METTL15: variants seen among roughly 807,000 people sequenced by gnomAD.
METTL15 encodes the protein 12S rRNA N(4)-cytidine methyltransferase METTL15.
METTL15 carries 34 observed loss-of-function variants against 38.3 expected under a neutral mutation model. The ratio of observed to expected loss-of-function variants is 0.89; its 90% confidence interval spans 0.68 to 1.18. The LOEUF is 1.18. Ranked by LOEUF, METTL15 falls within the 50% of genes most tolerant of loss-of-function variation. The pLI, the probability that METTL15 is intolerant of heterozygous loss-of-function variation, is 0.00. For synonymous variants in METTL15, 162 were observed against 170.9 expected, an observed-to-expected ratio of 0.95 and a Z score of 0.41; for missense variants, 438 against 498.4, an observed-to-expected ratio of 0.88 and a Z score of 1.15.
intron 3 of METTL15, among the ~76,000 whole-genome samples, chr11:28,133,426 C>T (rs895959809): frequency 2.6e-5 from 4 of 152,164 alleles, no homozygotes; most frequent in Admixed American, 6.5e-5. Context: ...ATATATTTCT[C>T]TTAACACACT....
At chr11:28,238,277 C>A (rs962390346) in intron 4 of METTL15, among the ~76,000 whole-genome samples, 1 of 152,218 alleles carries the variant, frequency 6.6e-6, no homozygotes, top group East Asian at 1.9e-4. Context: ...AGCTTCCCGG[C>A]TGCTTTGTTT....
intron 3 of METTL15, among the ~76,000 whole-genome samples, chr11:28,133,663 A>T (rs1849414090): frequency 6.6e-6 from 1 of 152,148 alleles, no homozygotes; most frequent in Non-Finnish European, 1.5e-5. Flanking sequence ...ATATCATTGT[A>T]TGCTTAAGCA....
intron 3 of METTL15, among the ~76,000 whole-genome samples, chr11:28,162,399 T>G (rs555428735): frequency 6.6e-6 from 1 of 152,280 alleles, no homozygotes; most frequent in South Asian, 2.1e-4. Flanking sequence ...ATTTGATGAT[T>G]AGTAACTTTT....
intron 6 of METTL15, among the ~76,000 whole-genome samples, chr11:28,308,939 G>A (rs549512089): frequency 6.6e-6 from 1 of 152,188 alleles, no homozygotes; most frequent in Non-Finnish European, 1.5e-5. Context: ...TAGATAGGCA[G>A]GCAGGCATGG....
At chr11:28,238,315 C>T (rs932829909) in intron 4 of METTL15, among the ~76,000 whole-genome samples, 3 of 152,148 alleles carry the variant, frequency 2.0e-5, no homozygotes, top group African/African-American at 2.4e-5. Context: ...CAATGGTGGG[C>T]GCCCCTCCCC....
chr11:28,490,273 A>G (rs914059610), intron 6 of METTL15, among the ~76,000 whole-genome samples: 1 of 152,172 alleles, frequency 6.6e-6, no homozygotes, highest in Non-Finnish European at 1.5e-5. Context: ...CTAAACCCCA[A>G]GAAGCCTCTC....
rs766399314 is a variant in METTL15, at chr11:28,113,524, G to T, written c.190G>T (p.Asp64Tyr). The change falls in exon 3 of 7, where the codon GAT becomes TAT. Residue 64 changes from aspartate (D) to tyrosine (Y), a missense_variant. Asp to Tyr is a radical substitution (Grantham distance 160). Transcript: ENST00000407364. ...GGAGTTACACAGATCTCAAGATAGA[G>T]ATTTTGAAACTATGGCTAAATTACA... Reference protein sequence around the residue: ...AQELHRSQDRDFETMAKLHIP... With the variant: ...AQELHRSQDRYFETMAKLHIP... 3.1e-6 allele frequency: 5 copies of T among 1,613,652 alleles called. No individual in the cohort carries two copies. Among genetic ancestry groups the T allele is most frequent in the Middle Eastern group, 1.7e-4 (1 of 5,954 alleles).
At chr11:28,385,534 G>T (rs1850430758) in intron 5 of METTL15, among the ~76,000 whole-genome samples, 1 of 152,078 alleles carries the variant, frequency 6.6e-6, no homozygotes, top group African/African-American at 2.4e-5. Context: ...ATGCTGTTTT[G>T]GTTACTATAG....
At chr11:28,147,598 T>C (rs1849931550) in intron 3 of METTL15, among the ~76,000 whole-genome samples, 1 of 151,868 alleles carries the variant, frequency 6.6e-6, no homozygotes, top group Non-Finnish European at 1.5e-5. Flanking sequence ...TATATGATCT[T>C]AATCATTCCT....
chr11:28,494,832 C>T (rs914330803), intron 6 of METTL15, among the ~76,000 whole-genome samples: 1 of 152,184 alleles, frequency 6.6e-6, no homozygotes, highest in Admixed American at 6.5e-5. Flanking sequence ...GTGAGGCCTC[C>T]CCAGCCATGT....
chr11:28,275,736 A>G (rs985640404), intron 4 of METTL15, among the ~76,000 whole-genome samples: 1 of 152,040 alleles, frequency 6.6e-6, no homozygotes, highest in South Asian at 2.1e-4. Flanking sequence ...AAACACATCA[A>G]AAAGATTCAC....
intron 4 of METTL15, among the ~76,000 whole-genome samples, chr11:28,257,234 G>C (rs1855008783): frequency 6.6e-6 from 1 of 152,060 alleles, no homozygotes; most frequent in South Asian, 2.1e-4. Flanking sequence ...GTAAGATTTT[G>C]ACTGAAAAGT....
chr11:28,336,599 A>G (rs567922677), downstream of METTL15, among the ~76,000 whole-genome samples: 1 of 152,314 alleles, frequency 6.6e-6, no homozygotes, highest in East Asian at 1.9e-4. Context: ...ATTTTAGTCA[A>G]CAATGGACTA....
chr11:28,528,620 C>G (rs1045894870), downstream of METTL15, among the ~76,000 whole-genome samples: 1 of 152,202 alleles, frequency 6.6e-6, no homozygotes, highest in Admixed American at 6.5e-5. Flanking sequence ...CACTTTGGGC[C>G]ATGTTGTAAA....
At chr11:28,398,221 GAAAAATAA>G (rs1456568381) in intron 5 of METTL15, among the ~76,000 whole-genome samples, 14 of 151,568 alleles carry the variant, frequency 9.2e-5, no homozygotes, top group Admixed American at 7.9e-4. Flanking sequence ...AAGTATATTA[GAAAAATAA>G]AAAAATTCAA....
At chr11:28,507,467 G>A (rs1352041949) in intron 6 of METTL15, among the ~76,000 whole-genome samples, 1 of 152,118 alleles carries the variant, frequency 6.6e-6, no homozygotes, top group African/African-American at 2.4e-5. Context: ...TTTGACCTGA[G>A]ACTTGGGCAG....
At chr11:28,208,088 G>T (rs945017165) in intron 3 of METTL15, among the ~76,000 whole-genome samples, 5 of 152,010 alleles carry the variant, frequency 3.3e-5, no homozygotes, top group African/African-American at 1.2e-4. Flanking sequence ...TTTTTGAAGG[G>T]TTTTTTATGT....
At chr11:28,315,738 G>C (rs917604322) in intron 6 of METTL15, among the ~76,000 whole-genome samples, 1 of 152,208 alleles carries the variant, frequency 6.6e-6, no homozygotes, top group Admixed American at 6.5e-5. Flanking sequence ...CCCCTGTTCT[G>C]TGCAGCCTAG....
intron 4 of METTL15, among the ~76,000 whole-genome samples, chr11:28,251,405 A>G (rs1854737082): frequency 6.6e-6 from 1 of 152,032 alleles, no homozygotes; most frequent in Non-Finnish European, 1.5e-5. Context: ...ACTAACTCCA[A>G]ATTCCTAAAC....
Sources: allele counts gnomAD v4.1 joint callset (sites outside exome capture counted in the v4.1 genomes callset), GRCh38; gene constraint gnomAD v4.1.1; transcripts MANE v1.5; gene names NCBI Gene and HGNC (gene_info 2026-07-23, HGNC 2026-07-21).